Variants in SAMD5 observed in about 807,000 individuals in gnomAD.
SAMD5 encodes the protein sterile alpha motif domain-containing protein 5.
Under a neutral mutation model 11.3 loss-of-function variants are expected in SAMD5, and 13 were observed. The ratio of observed to expected loss-of-function variants is 1.15; its 90% CI spans 0.75 to 1.83. The LOEUF (loss-of-function observed/expected upper bound fraction) is 1.83. Among genes scored for constraint, SAMD5 ranks in the 40% most tolerant of loss-of-function variants. The pLI is 0.00. For synonymous variants in SAMD5, 129 were observed against 111.3 expected (o/e 1.16, Z -1.00); for missense variants, 255 against 239.1 (o/e 1.07, Z -0.44).
the SAMD5 span, among the ~76,000 whole-genome samples, chr6:147,910,755 AT>A: frequency 1.3e-5 from 2 of 152,128 alleles, no homozygotes; most frequent in Admixed American, 6.5e-5. Context: ...GAAAAGAAAG[AT>A]TTTTTTCCAC....
intron 1 of SAMD5, among the ~76,000 whole-genome samples, chr6:147,522,797 G>A (rs1788274206): frequency 6.6e-6 from 1 of 152,186 alleles, no homozygotes; most frequent in African/African-American, 2.4e-5. Flanking sequence ...ACATGAGGCA[G>A]CAATAGAAGT....
At chr6:147,765,545 A>G in the SAMD5 span, among the ~76,000 whole-genome samples, 1 of 152,246 alleles carries the variant, frequency 6.6e-6, no homozygotes. Context: ...AAAATCTTTT[A>G]ACAAACATTA....
the SAMD5 span, among the ~76,000 whole-genome samples, chr6:147,913,093 A>G: frequency 6.8e-4 from 103 of 152,306 alleles, 2 homozygotes; most frequent in South Asian, 0.016. Context: ...ACATATTGGA[A>G]AAATATAATT....
At chr6:147,886,657 C>T in the SAMD5 span, among the ~76,000 whole-genome samples, 2 of 152,028 alleles carry the variant, frequency 1.3e-5, no homozygotes, top group Non-Finnish European at 1.5e-5. Flanking sequence ...CTCCTACTGG[C>T]CTTGAGGAAG....
At chr6:147,831,387 C>A in the SAMD5 span, among the ~76,000 whole-genome samples, 3 of 152,204 alleles carry the variant, frequency 2.0e-5, no homozygotes, top group Non-Finnish European at 4.4e-5. Flanking sequence ...CACCCCAAAT[C>A]TGCTCAAGTT....
the SAMD5 span, among the ~76,000 whole-genome samples, chr6:147,786,401 A>G: frequency 6.6e-6 from 1 of 152,186 alleles, no homozygotes; most frequent in Non-Finnish European, 1.5e-5. Flanking sequence ...TCTGCAGTCT[A>G]ATTTATTCAT....
the SAMD5 span, among the ~76,000 whole-genome samples, chr6:147,796,470 C>A: frequency 6.6e-6 from 1 of 152,046 alleles, no homozygotes; most frequent in South Asian, 2.1e-4. Context: ...GTTACTGTAG[C>A]CTTGTAGTAT....
At chr6:147,714,618 G>A (rs879195603) in intron 1 of SAMD5, among the ~76,000 whole-genome samples, 6 of 152,248 alleles carry the variant, frequency 3.9e-5, no homozygotes, top group Admixed American at 3.9e-4. Context: ...ATAAGTTAAA[G>A]GTGTTTTGGT....
the SAMD5 span, among the ~76,000 whole-genome samples, chr6:147,801,824 A>G: frequency 6.6e-6 from 1 of 152,208 alleles, no homozygotes; most frequent in Admixed American, 6.5e-5. Flanking sequence ...GGTCAATTAA[A>G]TCTTTTTAAT....
At chr6:147,902,712 C>T in the SAMD5 span, among the ~76,000 whole-genome samples, 1 of 152,264 alleles carries the variant, frequency 6.6e-6, no homozygotes, top group East Asian at 1.9e-4. Flanking sequence ...CCATCCTGAC[C>T]TTGTCCGCTG....
At chr6:147,828,124 CAA>C in the SAMD5 span, among the ~76,000 whole-genome samples, 2 of 152,150 alleles carry the variant, frequency 1.3e-5, no homozygotes, top group Non-Finnish European at 2.9e-5. Context: ...GCTAACCTTA[CAA>C]AATGATGGAT....
At chr6:147,823,446 C>T in the SAMD5 span, among the ~76,000 whole-genome samples, 331 of 151,716 alleles carry the variant, frequency 2.2e-3, 1 homozygote, top group African/African-American at 7.5e-3. Context: ...TAAAAAAACC[C>T]ACAAAATCTA....
rs17077030 is a variant in SAMD5, at chr6:147,591,664, C to A, written c.162+82277C>A. 8.9e-3 allele frequency among the ~76,000 whole-genome samples: 1,362 copies of A among 152,180 alleles called. 64 individuals are homozygous for A. The highest frequency in any genetic ancestry group is 0.073 in the Admixed American group (1,111 of 15,282). Reference sequence around the variant, plus strand: ...TCATACATCTGGATAAAAGGCTGTTCAGTTTTCCATGGAAATGGGGATTTT... The same window carrying A: ...TCATACATCTGGATAAAAGGCTGTTAAGTTTTCCATGGAAATGGGGATTTT... On this transcript the variant is annotated intron_variant, in intron 1 of 1. Transcript: ENST00000566741.
chr6:147,743,152 A>G, the SAMD5 span: 7 of 152,212 alleles, frequency 4.6e-5, no homozygotes, highest in Non-Finnish European at 8.8e-5. Context: ...AAGCTCAGTA[A>G]GATCAATAAT....
the SAMD5 span, among the ~76,000 whole-genome samples, chr6:147,880,772 G>A: frequency 2.6e-5 from 4 of 151,940 alleles, no homozygotes; most frequent in African/African-American, 9.7e-5. Context: ...CAGACTGTCC[G>A]TCATCCCAAC....
At chr6:147,663,033 C>T (rs1425249149) in intron 1 of SAMD5, among the ~76,000 whole-genome samples, 1 of 152,108 alleles carries the variant, frequency 6.6e-6, no homozygotes, top group Non-Finnish European at 1.5e-5. Context: ...GTGTCATTAC[C>T]ACATTAGCAT....
At chr6:147,597,398 A>G (rs1001864922) in intron 1 of SAMD5, among the ~76,000 whole-genome samples, 1 of 152,232 alleles carries the variant, frequency 6.6e-6, no homozygotes, top group East Asian at 1.9e-4. Context: ...TTATTAAAAG[A>G]GCCCAGTTGT....
At chr6:147,797,689 A>G in the SAMD5 span, among the ~76,000 whole-genome samples, 1 of 140,824 alleles carries the variant, frequency 7.1e-6, no homozygotes, top group African/African-American at 2.8e-5. Context: ...CTGTGAATCC[A>G]TCTGGTCCTG....
chr6:147,635,557 G>T (rs1790217514), intron 1 of SAMD5, among the ~76,000 whole-genome samples: 1 of 152,128 alleles, frequency 6.6e-6, no homozygotes, highest in Admixed American at 6.5e-5. Flanking sequence ...TTTTTATGAT[G>T]GTTTGTATCA....
Sources: allele counts gnomAD v4.1 joint callset (sites outside exome capture counted in the v4.1 genomes callset), GRCh38; gene constraint gnomAD v4.1.1; transcripts MANE v1.5; gene names NCBI Gene and HGNC (gene_info 2026-07-23, HGNC 2026-07-21).